Variants in SP100 observed in about 807,000 individuals in gnomAD.
SP100 encodes the protein nuclear autoantigen Sp-100.
Under a neutral mutation model 130.0 loss-of-function variants are expected in SP100, and 84 were observed. The observed-to-expected ratio is 0.65, with a 90% confidence interval of 0.54 to 0.77. The LOEUF (loss-of-function observed/expected upper bound fraction) is 0.77, where lower values mean the gene tolerates loss of function less well. Ranked by LOEUF, SP100 falls within the 30% of genes least tolerant of loss-of-function variation. The pLI, the probability that SP100 is intolerant of heterozygous loss-of-function variation, is 0.00. For missense variants in SP100, 978 were observed against 1,052.2 expected, an observed-to-expected ratio of 0.93 and a Z score of 0.97; for synonymous variants, 331 against 351.7, an observed-to-expected ratio of 0.94 and a Z score of 0.66.
At chr2:230,491,760 A>G (rs1388377561) in intron 17 of SP100, among the ~76,000 whole-genome samples, 2 of 152,182 alleles carry the variant, frequency 1.3e-5, no homozygotes, top group African/African-American at 4.8e-5. Context: ...ACAATTCAAC[A>G]TGAGATTTGG....
intron 8 of SP100, among the ~76,000 whole-genome samples, chr2:230,453,650 C>T (rs181114626): frequency 1.3e-5 from 2 of 152,188 alleles, no homozygotes; most frequent in Admixed American, 6.5e-5. Context: ...TCTTGCATCC[C>T]AGTGATAAAT....
chr2:230,540,362 G>T (rs1692122976), intron 25 of SP100, among the ~76,000 whole-genome samples: 1 of 152,206 alleles, frequency 6.6e-6, no homozygotes, highest in Admixed American at 6.5e-5. Context: ...ACACCTCTCT[G>T]GAGATTTCCT....
At chr2:230,516,860 A>G (rs1690941298) in intron 24 of SP100, among the ~76,000 whole-genome samples, 1 of 152,212 alleles carries the variant, frequency 6.6e-6, no homozygotes, top group South Asian at 2.1e-4. Context: ...TAAGATAACA[A>G]CCAGAATCAC....
chr2:230,419,544 T>G (rs969017552), intron 2 of SP100, among the ~76,000 whole-genome samples: 3 of 152,200 alleles, frequency 2.0e-5, no homozygotes, highest in African/African-American at 7.2e-5. Context: ...CGTCAAGGGC[T>G]TCCTTTAGGT....
intron 22 of SP100, 73 bp from the exon 23 acceptor site, chr2:230,507,920 G>T: frequency 7.6e-7 from 1 of 1,324,076 alleles, no homozygotes; most frequent in Non-Finnish European, 1.1e-6. Context: ...ATATTTGGAA[G>T]GCAGTCAGAA....
chr2:230,515,121 T>A, intron 24 of SP100: 1 of 1,613,134 alleles, frequency 6.2e-7, no homozygotes, highest in Non-Finnish European at 8.5e-7. Context: ...AGAACCCAGA[T>A]GCTTCAGTCA....
chr2:230,517,453 G>A (rs529000087), intron 24 of SP100, among the ~76,000 whole-genome samples: 2 of 152,110 alleles, frequency 1.3e-5, no homozygotes, highest in East Asian at 1.9e-4. Context: ...GACAATACAG[G>A]AATTATCTCA....
At chr2:230,528,081 A>T (rs1691514086) in intron 24 of SP100, among the ~76,000 whole-genome samples, 1 of 152,228 alleles carries the variant, frequency 6.6e-6, no homozygotes, top group Non-Finnish European at 1.5e-5. Flanking sequence ...AAGCAGACCT[A>T]ATAGACATCT....
At chr2:230,419,484 CA>C (rs571299554) in intron 2 of SP100, among the ~76,000 whole-genome samples, 1 of 152,020 alleles carries the variant, frequency 6.6e-6, no homozygotes, top group South Asian at 2.1e-4. Flanking sequence ...ATAATGGCCC[CA>C]AAGCACAAGA....
chr2:230,489,264 C>T (rs947357795), intron 17 of SP100, among the ~76,000 whole-genome samples: 2 of 152,070 alleles, frequency 1.3e-5, no homozygotes, highest in Non-Finnish European at 2.9e-5. Flanking sequence ...GTGTATGTTT[C>T]CAGGAATTTA....
At chr2:230,506,276 G>A in intron 21 of SP100, 27 bp from the exon 22 acceptor site, 1 of 1,611,982 alleles carries the variant, frequency 6.2e-7, no homozygotes. Flanking sequence ...TCACAGTTGG[G>A]GAGCTCACTT....
In SP100 at chr2:230,416,345, C is replaced by A; in HGVS notation, c.32+17C>A. 1 of 1,609,986 alleles carries A rather than the reference C, an allele frequency of 6.2e-7. No individual in the cohort carries two copies. The highest frequency in any genetic ancestry group is 8.5e-7 in the Non-Finnish European group (1 of 1,176,420). The stretch of plus-strand genomic sequence containing the variant: ...GAGCACCAGGTGAGTCTTTATCTCC[C>A]TTCCTTTAACCTTTATCTCTGGCTA... On this transcript the variant is annotated intron_variant, in intron 1 of 28. Transcript: ENST00000340126.
At chr2:230,492,897 C>T (rs1360475784) in intron 17 of SP100, among the ~76,000 whole-genome samples, 1 of 152,160 alleles carries the variant, frequency 6.6e-6, no homozygotes, top group Non-Finnish European at 1.5e-5. Flanking sequence ...CTCCACTCTC[C>T]CATGGCATTA....
intron 2 of SP100, among the ~76,000 whole-genome samples, chr2:230,435,136 A>T (rs1288144532): frequency 6.6e-6 from 1 of 152,216 alleles, no homozygotes; most frequent in Non-Finnish European, 1.5e-5. Context: ...AGGGATGAGT[A>T]AGTGTCTGTT....
intron 24 of SP100, among the ~76,000 whole-genome samples, chr2:230,520,966 C>T (rs1453472216): frequency 6.6e-6 from 1 of 152,150 alleles, no homozygotes; most frequent in Non-Finnish European, 1.5e-5. Flanking sequence ...TAAGTCAGCA[C>T]CCTTTTCAGG....
At chr2:230,480,765 A>C (rs2065795015) in intron 17 of SP100, among the ~76,000 whole-genome samples, 1 of 152,214 alleles carries the variant, frequency 6.6e-6, no homozygotes, top group Non-Finnish European at 1.5e-5. Flanking sequence ...GGCTTGTCTG[A>C]GAATGGCCTT....
chr2:230,458,122 A>G lies in SP100; in HGVS notation c.821-3140A>G, dbSNP rs190467170. Among the ~76,000 whole-genome samples the G allele has an allele frequency of 3.1e-4, 47 of 152,316 alleles. 2 individuals are homozygous for G. In the East Asian group the frequency reaches 8.7e-3, roughly 28 times the overall value. Reference sequence around the variant, plus strand: ...ACACTGTGGGAGGTTAGGGGTACCAATGCCCCATGCAGTCAAACATTTGCA... The same window carrying G: ...ACACTGTGGGAGGTTAGGGGTACCAGTGCCCCATGCAGTCAAACATTTGCA... On this transcript the variant is annotated intron_variant, in intron 8 of 28. Transcript: ENST00000340126.
intron 17 of SP100, among the ~76,000 whole-genome samples, chr2:230,477,952 A>C (rs1027148093): frequency 9.2e-5 from 14 of 151,526 alleles, no homozygotes; most frequent in African/African-American, 2.7e-4. Context: ...AACAAACAAA[A>C]AAAAAAGCAT....
At chr2:230,433,697 T>G in intron 2 of SP100, among the ~76,000 whole-genome samples, 1 of 152,016 alleles carries the variant, frequency 6.6e-6, no homozygotes, top group Non-Finnish European at 1.5e-5. Context: ...AAGTCTTGCA[T>G]TCTGTTTGTT....
Sources: allele counts gnomAD v4.1 joint callset (sites outside exome capture counted in the v4.1 genomes callset), GRCh38; gene constraint gnomAD v4.1.1; transcripts MANE v1.5; gene names NCBI Gene and HGNC (gene_info 2026-07-23, HGNC 2026-07-21).